EGFR: variants seen among roughly 807,000 people sequenced by gnomAD.
The protein encoded by EGFR is avian erythroblastic leukemia viral (v-erb-b) oncogene homolog.
A neutral mutation model predicts 143.0 loss-of-function variants in EGFR; 58 were observed. The observed-to-expected ratio is 0.41, with a 90% CI of 0.33 to 0.50. EGFR has a LOEUF of 0.50. Among genes scored for constraint, EGFR ranks in the 20% least tolerant of loss-of-function variants. The probability of loss-of-function intolerance (pLI) is 0.39; values close to 1 mark genes in which losing one functional copy is unlikely to be tolerated. For synonymous variants in EGFR, 613 were observed against 594.4 expected, an observed-to-expected ratio of 1.03 and a Z score of -0.45; for missense variants, 1,307 against 1,579.0, an observed-to-expected ratio of 0.83 and a Z score of 2.92.
chr7:55,152,661 C>A lies in EGFR; in HGVS notation c.744C>A (p.Cys248Ter). The A allele has an allele frequency of 6.2e-7, 1 of 1,613,196 alleles. No individual in the cohort carries two copies. Reference protein sequence around the residue: ...AGCTGPRESDCLVCRKFRDEA... With the variant: ...AGCTGPRESD ...GCACAGGCCCCCGGGAGAGCGACTGCCTGGTAAGATGCCCCTCCAGCAGCC... is the reference window on the plus strand; with the variant it reads ...GCACAGGCCCCCGGGAGAGCGACTGACTGGTAAGATGCCCCTCCAGCAGCC... The change falls in exon 6 of 28, where the codon TGC becomes TGA. Residue 248 changes from cysteine (C) to a stop codon, truncating the protein, a stop_gained. Transcript: ENST00000275493. LOFTEE classifies it high-confidence loss of function.
At chr7:55,062,893 C>T (rs1789273498) in intron 1 of EGFR, among the ~76,000 whole-genome samples, 1 of 152,038 alleles carries the variant, frequency 6.6e-6, no homozygotes, top group Non-Finnish European at 1.5e-5. Context: ...ATGCCCGTCT[C>T]ATGCCAGGCA....
chr7:55,156,891 TTTTCGACATA>T lies in EGFR; in HGVS notation c.1207+64_1207+73del, dbSNP rs1785449199. The T allele has an allele frequency of 6.8e-6, 11 of 1,611,940 alleles. No individual in the cohort carries two copies. In the East Asian group the frequency reaches 2.5e-4, roughly 36 times the overall value. ...GAAATCAGTGTTTTAGAGAGAGAAC[TTTTCGACATA>T]TTTCCTGTTCCCTTGGAATAAAAAC... On this transcript the variant is annotated intron_variant, in intron 10 of 27. Transcript: ENST00000275493.
intron 1 of EGFR, among the ~76,000 whole-genome samples, chr7:55,078,024 G>GT (rs1790230523): frequency 1.3e-5 from 2 of 152,122 alleles, no homozygotes; most frequent in African/African-American, 4.8e-5. Flanking sequence ...GGCCCTCTTG[G>GT]GGTAAGGTAC....
intron 15 of EGFR, chr7:55,170,562 G>A (rs909996537): frequency 6.2e-7 from 1 of 1,612,342 alleles, no homozygotes; most frequent in South Asian, 1.1e-5. Flanking sequence ...GCCTTCACGT[G>A]TCTGTTCCCC....
intron 15 of EGFR, chr7:55,170,963 T>A: frequency 6.9e-7 from 1 of 1,444,938 alleles, no homozygotes; most frequent in East Asian, 2.5e-5. Flanking sequence ...TGTCACAGAG[T>A]AGAAACTCAA....
rs551639537 is a variant in EGFR, at chr7:55,126,359, C to T, written c.89-15927C>T. On this transcript the variant is annotated intron_variant, in intron 1 of 27. Transcript: ENST00000275493. Reference sequence around the variant, plus strand: ...TGACAACAGCAACCACTTACATGACCTAGATGCTCTTCTGGGTGTTGTGCA... The same window carrying T: ...TGACAACAGCAACCACTTACATGACTTAGATGCTCTTCTGGGTGTTGTGCA... Among the ~76,000 whole-genome samples, 7 of 152,352 alleles carry T rather than the reference C, an allele frequency of 4.6e-5. No homozygotes were observed. In the South Asian group the frequency reaches 1.5e-3, roughly 32 times the overall value.
rs1310944432 is a variant in EGFR, at chr7:55,174,667, A to G, written c.2185-55A>G. The G allele has an allele frequency of 2.1e-6, 3 of 1,418,826 alleles. No individual in the cohort carries two copies. The African/African-American group carries it at 4.2e-5, about 20-fold the overall frequency. The allele number at this position is 1,418,826 out of a possible 1,614,324, so 87.9% of individuals were successfully genotyped here. A position where few individuals can be genotyped will look rare whatever the true frequency, so the allele number is the denominator to read the frequency against. ...ACATCCACCCAGATCACTGGGCAGC[A>G]TGTGGCACCATCTCACAATTGCCAG... On this transcript the variant is annotated intron_variant, in intron 18 of 27. Coordinates refer to ENST00000275493, the MANE Select transcript of EGFR (RefSeq NM_005228.5).
chr7:55,128,243 G>T (rs1351646711), intron 1 of EGFR, among the ~76,000 whole-genome samples: 1 of 152,220 alleles, frequency 6.6e-6, no homozygotes, highest in Non-Finnish European at 1.5e-5. Context: ...AGCAGCTGAT[G>T]TGTCCCTTTG....
At chr7:55,164,349 T>C (rs1004303061) in intron 14 of EGFR, among the ~76,000 whole-genome samples, 1 of 152,152 alleles carries the variant, frequency 6.6e-6, no homozygotes, top group Non-Finnish European at 1.5e-5. Flanking sequence ...TGTTGTTAAT[T>C]CTCAATGTTA....
intron 15 of EGFR, among the ~76,000 whole-genome samples, chr7:55,167,687 CGGT>C (rs1786133150): frequency 6.7e-6 from 1 of 148,316 alleles, no homozygotes; most frequent in Admixed American, 6.7e-5. Flanking sequence ...GTGGAAGTCA[CGGT>C]GGTGGCGATG....
rs1448496356 is a variant in EGFR at position 55,201,897 on chromosome 7, C to T, written c.3162+115C>T. On this transcript the variant is annotated intron_variant, in intron 26 of 27. Transcript: ENST00000275493. ...ACCCAGATAATCTTGAGTTTTCTTC[C>T]TGTGTGGGTTTTTCCCTGCACGGCT... 8.2e-6 allele frequency: 11 copies of T among 1,334,390 alleles called. No homozygotes were observed. The East Asian group carries it at 2.6e-4, about 31-fold the overall frequency. The allele number at this position is 1,334,390 out of a possible 1,614,324, so 82.7% of individuals were successfully genotyped here.
intron 20 of EGFR, chr7:55,188,970 G>C (rs376293602): frequency 6.6e-6 from 1 of 152,124 alleles, no homozygotes; most frequent in African/African-American, 2.4e-5. Context: ...TTAAAGCCCT[G>C]GTGTGAGGAG....
At chr7:55,035,774 G>A (rs549346636) in intron 1 of EGFR, among the ~76,000 whole-genome samples, 4 of 151,790 alleles carry the variant, frequency 2.6e-5, no homozygotes, top group Middle Eastern at 3.4e-3. Flanking sequence ...GTGGTTTGCT[G>A]TGATAGCAAA....
intron 20 of EGFR, among the ~76,000 whole-genome samples, chr7:55,184,098 G>A (rs541766578): frequency 1.3e-5 from 2 of 152,358 alleles, no homozygotes; most frequent in African/African-American, 2.4e-5. Context: ...ACGGGGGCAC[G>A]TTGCTGGCCT....
rs559442224 is a variant in EGFR, at chr7:55,208,069, G to A, written c.*2452G>A. The A allele has an allele frequency of 6.6e-6, 1 of 152,256 alleles. No homozygotes were observed. The highest frequency in any genetic ancestry group is 2.4e-5 in the African/African-American group (1 of 41,544). 9.4% of individuals were successfully genotyped at this position (152,256 alleles called of 1,614,324 possible). A position where few individuals can be genotyped will look rare whatever the true frequency, so the allele number is the denominator to read the frequency against. On this transcript the variant is annotated 3_prime_UTR_variant, in exon 28 of 28. Coordinates refer to ENST00000275493, the MANE Select transcript of EGFR (RefSeq NM_005228.5). ...AGTTTGAAACAGTAACTTAATAAAA[G>A]AGCAAAAGCTATTCTAGCTTTCTTC...
At chr7:55,094,995 A>T (rs185561151) in intron 1 of EGFR, among the ~76,000 whole-genome samples, 1 of 152,194 alleles carries the variant, frequency 6.6e-6, no homozygotes, top group African/African-American at 2.4e-5. Flanking sequence ...CGGCAGCCTT[A>T]TGTCAGGGCT....
Position 55,202,500 on chromosome 7 carries a change from C to T in EGFR, c.3163-17C>T, listed in dbSNP as rs2128972963. The T allele has an allele frequency of 5.0e-6, 8 of 1,590,372 alleles. No homozygotes were observed. The South Asian group carries it at 9.1e-5, about 18-fold the overall frequency. Reference sequence around the variant, plus strand: ...GCAGCCCTGACCGGAGTAACCTTCCCTCATTTCCTCCTGCAGCTGCAAAGC... The same window carrying T: ...GCAGCCCTGACCGGAGTAACCTTCCTTCATTTCCTCCTGCAGCTGCAAAGC... On this transcript the variant is annotated splice_polypyrimidine_tract_variant and intron_variant, in intron 26 of 27. Transcript: ENST00000275493.
intron 1 of EGFR, among the ~76,000 whole-genome samples, chr7:55,053,900 G>T (rs1788636023): frequency 6.6e-6 from 1 of 152,124 alleles, no homozygotes; most frequent in South Asian, 2.1e-4. Context: ...AACCAGTTTT[G>T]CTTGAAGCAG....
intron 1 of EGFR, among the ~76,000 whole-genome samples, chr7:55,085,015 C>G (rs1272856884): frequency 6.6e-6 from 1 of 152,144 alleles, no homozygotes; most frequent in Non-Finnish European, 1.5e-5. Flanking sequence ...TCTGGAATGA[C>G]CTACGGAATG....
Sources: gnomAD v4.1 joint callset for allele counts (sites outside exome capture counted in the v4.1 genomes callset) on GRCh38, gnomAD v4.1.1 for gene constraint, MANE v1.5 for transcripts, NCBI Gene and HGNC (gene_info 2026-07-23, HGNC 2026-07-21) for gene names.